Variants in CALN1 observed in about 807,000 individuals in gnomAD.
CALN1 encodes calcium-binding protein 8.
CALN1 carries 17 observed loss-of-function variants against 30.6 expected under a neutral mutation model. The observed-to-expected ratio is 0.56, with a 90% CI of 0.38 to 0.83. CALN1 has a LOEUF of 0.83. Ranked by LOEUF, CALN1 falls within the 40% of genes least tolerant of loss-of-function variation. The probability of loss-of-function intolerance (pLI) is 0.00; values close to 1 mark genes in which losing one functional copy is unlikely to be tolerated. For synonymous variants in CALN1, 156 were observed against 131.4 expected (o/e 1.19, Z -1.28); for missense variants, 291 against 354.9 (o/e 0.82, Z 1.45).
At chr7:72,381,803 C>A (rs948861045) in intron 2 of CALN1, among the ~76,000 whole-genome samples, 1 of 152,156 alleles carries the variant, frequency 6.6e-6, no homozygotes, top group African/African-American at 2.4e-5. Context: ...ACCACCATGG[C>A]ACATGTATAC....
chr7:72,356,960 G>T (rs1471972340), intron 2 of CALN1, among the ~76,000 whole-genome samples: 2 of 151,690 alleles, frequency 1.3e-5, no homozygotes, highest in Admixed American at 6.6e-5. Context: ...GTTTTGCTTT[G>T]GTTTTGTTTT....
At chr7:72,087,395 G>A (rs938673524) in intron 4 of CALN1, among the ~76,000 whole-genome samples, 4 of 152,124 alleles carry the variant, frequency 2.6e-5, no homozygotes, top group African/African-American at 9.7e-5. Context: ...AGCCGGGCAC[G>A]CTGGTGTGCT....
At chr7:72,047,084 T>G (rs887642418) in intron 4 of CALN1, among the ~76,000 whole-genome samples, 1 of 151,772 alleles carries the variant, frequency 6.6e-6, no homozygotes, top group Admixed American at 6.6e-5. Context: ...TAAATAAAAA[T>G]GAAAACTAGT....
chr7:72,379,352 TA>T (rs1043941725), intron 2 of CALN1, among the ~76,000 whole-genome samples: 1 of 152,208 alleles, frequency 6.6e-6, no homozygotes, highest in Non-Finnish European at 1.5e-5. Flanking sequence ...ATTAAAGGGT[TA>T]AACCCTAAAT....
At chr7:71,789,525 G>C (rs1793193288) in intron 6 of CALN1, among the ~76,000 whole-genome samples, 1 of 152,100 alleles carries the variant, frequency 6.6e-6, no homozygotes, top group Non-Finnish European at 1.5e-5. Flanking sequence ...TGAGATCTTG[G>C]ATGCTGCTGA....
chr7:72,112,049 C>A (rs954265736), intron 3 of CALN1, among the ~76,000 whole-genome samples: 6 of 152,154 alleles, frequency 3.9e-5, no homozygotes, highest in African/African-American at 1.4e-4. Context: ...CCGTGCCAGG[C>A]TCTCTTTTTT....
At chr7:72,467,742 G>C in the CALN1 span, among the ~76,000 whole-genome samples, 5 of 152,032 alleles carry the variant, frequency 3.3e-5, no homozygotes, top group Non-Finnish European at 7.4e-5. Flanking sequence ...TTTTTATGAA[G>C]CTAAAATTCA....
intron 5 of CALN1, among the ~76,000 whole-genome samples, chr7:71,960,190 A>C (rs909600642): frequency 2.8e-5 from 4 of 144,868 alleles, no homozygotes; most frequent in African/African-American, 4.9e-5. Context: ...AATAAAATAA[A>C]ATAAAAAAAT....
At chr7:72,403,157 G>T in intron 2 of CALN1, 94 bp downstream of exon 2, 2 of 851,532 alleles carry the variant, frequency 2.3e-6, no homozygotes, top group South Asian at 1.7e-5. Flanking sequence ...GCCTAGACAC[G>T]CAGCAGCGGC....
chr7:72,422,720 CTCTT>C (rs1807653637), intron 1 of CALN1, among the ~76,000 whole-genome samples: 1 of 152,230 alleles, frequency 6.6e-6, no homozygotes, highest in African/African-American at 2.4e-5. Context: ...TTGTTTCTCT[CTCTT>C]TGTCAACCTT....
At chr7:72,001,545 C>A (rs909742863) in intron 5 of CALN1, among the ~76,000 whole-genome samples, 6 of 152,162 alleles carry the variant, frequency 3.9e-5, no homozygotes, top group East Asian at 1.9e-4. Context: ...GGACACAAGA[C>A]CCTGGAAGTA....
At chr7:72,247,478 C>A (rs1795270032) in intron 3 of CALN1, among the ~76,000 whole-genome samples, 2 of 150,830 alleles carry the variant, frequency 1.3e-5, no homozygotes, top group South Asian at 4.2e-4. Flanking sequence ...AATCTCCTGA[C>A]CTTGTGGACC....
chr7:72,404,626 C>T (rs1482245255), intron 1 of CALN1, among the ~76,000 whole-genome samples: 2 of 152,138 alleles, frequency 1.3e-5, no homozygotes, highest in East Asian at 3.9e-4. Flanking sequence ...CACTACTTGG[C>T]CCCTGAACAT....
At chr7:72,306,574 C>T (rs967922859) in intron 2 of CALN1, among the ~76,000 whole-genome samples, 4 of 150,306 alleles carry the variant, frequency 2.7e-5, no homozygotes, top group African/African-American at 4.9e-5. Context: ...TCCTTCTTTT[C>T]TTTTCCTACT....
chr7:72,004,006 G>C (rs1799650189), intron 5 of CALN1, among the ~76,000 whole-genome samples: 1 of 152,128 alleles, frequency 6.6e-6, no homozygotes, highest in Non-Finnish European at 1.5e-5. Flanking sequence ...ATATCCTGGT[G>C]AATTTTAGTA....
At chr7:72,341,998 T>C (rs951462525) in intron 2 of CALN1, among the ~76,000 whole-genome samples, 3 of 151,886 alleles carry the variant, frequency 2.0e-5, no homozygotes, top group African/African-American at 7.3e-5. Context: ...ACACTTGTAA[T>C]ACCGATACTT....
chr7:72,360,391 T>G lies in CALN1; in HGVS notation c.119+42860A>C, dbSNP rs147203489. Among the ~76,000 whole-genome samples, 595 of 152,198 alleles carry G rather than the reference T, an allele frequency of 3.9e-3. 6 individuals carry two copies. Among genetic ancestry groups the G allele is most frequent in the African/African-American group, 0.013 (545 of 41,534 alleles). On this transcript the variant is annotated intron_variant, in intron 2 of 6. Transcript: ENST00000395275. ...AATGTGCAGGATATACGGCTGTTTT[T>G]GGTACTATTTTTACAATGTCTCTAG...
chr7:71,797,218 A>G (rs1786981313), intron 6 of CALN1, among the ~76,000 whole-genome samples: 1 of 152,214 alleles, frequency 6.6e-6, no homozygotes, highest in Non-Finnish European at 1.5e-5. Flanking sequence ...TTGCTCCGCG[A>G]CAGACCAAAA....
chr7:72,324,469 C>T (rs1801121647), intron 2 of CALN1, among the ~76,000 whole-genome samples: 1 of 152,166 alleles, frequency 6.6e-6, no homozygotes, highest in South Asian at 2.1e-4. Context: ...AATATTATTC[C>T]CCAATAACCT....
Sources: gnomAD v4.1 joint callset for allele counts (sites outside exome capture counted in the v4.1 genomes callset) on GRCh38, gnomAD v4.1.1 for gene constraint, MANE v1.5 for transcripts, NCBI Gene and HGNC (gene_info 2026-07-23, HGNC 2026-07-21) for gene names.